MAGI1: variants seen among roughly 807,000 people sequenced by gnomAD.
MAGI1 encodes membrane associated guanylate kinase, WW and PDZ domain containing 1, also known as membrane-associated guanylate kinase, WW and PDZ domain-containing protein 1.
A neutral mutation model predicts 139.9 loss-of-function variants in MAGI1; 58 were observed. That is an observed-to-expected ratio of 0.41 (90% confidence interval 0.34 to 0.52). The LOEUF (loss-of-function observed/expected upper bound fraction) is 0.52, where lower values mean the gene tolerates loss of function less well. MAGI1 is among the 20% of genes least tolerant of loss of function. The probability of loss-of-function intolerance (pLI) is 0.12; values close to 1 mark genes in which losing one functional copy is unlikely to be tolerated. For missense variants in MAGI1, 1,874 were observed against 1,901.6 expected, an observed-to-expected ratio of 0.99 and a Z score of 0.27; for synonymous variants, 812 against 737.9, an observed-to-expected ratio of 1.10 and a Z score of -1.63.
intron 1 of MAGI1, among the ~76,000 whole-genome samples, chr3:65,993,234 C>T (rs1260356332): frequency 6.6e-6 from 1 of 151,860 alleles, no homozygotes; most frequent in Non-Finnish European, 1.5e-5. Context: ...TGACAGATTA[C>T]TCATTTTCTT....
chr3:65,407,558 A>G (rs1227225171), intron 12 of MAGI1, among the ~76,000 whole-genome samples: 1 of 152,188 alleles, frequency 6.6e-6, no homozygotes, highest in Non-Finnish European at 1.5e-5. Flanking sequence ...AATGAGCACA[A>G]CAAAGAATAT....
rs2059536399 is a variant in MAGI1 at position 65,860,926 on chromosome 3, C to A, written c.313+177070G>T. The stretch of plus-strand genomic sequence containing the variant: ...CGAATTCAAATTCAAATTCAAATAC[C>A]ATTTCAAAGTAACAAACAATAATCA... On this transcript the variant is annotated intron_variant, in intron 1 of 22. Transcript: ENST00000402939. Among the ~76,000 whole-genome samples the A allele has an allele frequency of 4.6e-5, 7 of 151,896 alleles. No individual in the cohort carries two copies. In the South Asian group the frequency reaches 1.5e-3, roughly 32 times the overall value.
At position 65,972,044 on chromosome 3, in the gene MAGI1, G is replaced by A. The variant is rs2065037329; in HGVS notation, c.313+65952C>T. 2.6e-5 allele frequency among the ~76,000 whole-genome samples: 4 copies of A among 152,204 alleles called. No individual in the cohort carries two copies. In the South Asian group the frequency reaches 8.3e-4, roughly 31 times the overall value. ...CAGACTATTCTAGGAAATAAGAAAG[G>A]AGGTGCTTGGGCAAGGCTTGCTCAG... On this transcript the variant is annotated intron_variant, in intron 1 of 22. Transcript: ENST00000402939.
chr3:66,029,861 C>A (rs566027716), intron 1 of MAGI1, among the ~76,000 whole-genome samples: 2 of 152,272 alleles, frequency 1.3e-5, no homozygotes, highest in South Asian at 4.1e-4. Flanking sequence ...ATCCCTAACT[C>A]GACAAGATCT....
chr3:65,462,672 G>C (rs1277158360), intron 5 of MAGI1, among the ~76,000 whole-genome samples: 1 of 152,190 alleles, frequency 6.6e-6, no homozygotes, highest in African/African-American at 2.4e-5. Context: ...ATGGTAGCTT[G>C]ATGGGGATAG....
intron 1 of MAGI1, among the ~76,000 whole-genome samples, chr3:65,719,620 A>G (rs2032756008): frequency 6.7e-6 from 1 of 149,980 alleles, no homozygotes; most frequent in Non-Finnish European, 1.5e-5. Context: ...ATCACAGCTC[A>G]CTGCAGCCTC....
chr3:65,575,906 C>A (rs1335210941), intron 2 of MAGI1, among the ~76,000 whole-genome samples: 2 of 152,078 alleles, frequency 1.3e-5, no homozygotes, highest in Non-Finnish European at 2.9e-5. Flanking sequence ...TCGGGAGATA[C>A]AGGGTAGAGG....
At chr3:65,904,692 C>T (rs1345538312) in intron 1 of MAGI1, among the ~76,000 whole-genome samples, 1 of 152,228 alleles carries the variant, frequency 6.6e-6, no homozygotes, top group African/African-American at 2.4e-5. Context: ...ATCACCTACC[C>T]ACCATTCAGT....
At chr3:66,001,741 A>G (rs73833327) in intron 1 of MAGI1, among the ~76,000 whole-genome samples, 4,831 of 152,296 alleles carry the variant, frequency 0.032, 100 homozygotes, top group African/African-American at 0.064. Flanking sequence ...GTTCATAACA[A>G]TGTGTCTACC....
chr3:65,595,188 C>G (rs1048909410), intron 2 of MAGI1, among the ~76,000 whole-genome samples: 5 of 152,192 alleles, frequency 3.3e-5, no homozygotes, highest in African/African-American at 1.2e-4. Flanking sequence ...AAAGGAGAGG[C>G]TGCCTCATCA....
intron 1 of MAGI1, among the ~76,000 whole-genome samples, chr3:65,728,333 G>A (rs2033835445): frequency 6.6e-6 from 1 of 152,164 alleles, no homozygotes; most frequent in African/African-American, 2.4e-5. Flanking sequence ...AGATGAGCTG[G>A]AGATGCAAAG....
intron 2 of MAGI1, chr3:65,532,692 A>G (rs1379784695): frequency 6.6e-6 from 1 of 152,196 alleles, no homozygotes; most frequent in Non-Finnish European, 1.5e-5. Context: ...AGGCAAAACT[A>G]CAGAAGGAAT....
intron 2 of MAGI1, among the ~76,000 whole-genome samples, chr3:65,545,992 A>G (rs1437784089): frequency 2.1e-5 from 3 of 143,164 alleles, no homozygotes; most frequent in Non-Finnish European, 4.6e-5. Flanking sequence ...ACACACACAC[A>G]CGCACACACA....
At chr3:65,913,757 A>G (rs1347168762) in intron 1 of MAGI1, among the ~76,000 whole-genome samples, 1 of 152,240 alleles carries the variant, frequency 6.6e-6, no homozygotes, top group African/African-American at 2.4e-5. Context: ...AACACAGCAG[A>G]AGACAGTTAA....
At chr3:65,678,088 C>T (rs139879454) in intron 1 of MAGI1, among the ~76,000 whole-genome samples, 15 of 152,248 alleles carry the variant, frequency 9.9e-5, no homozygotes, top group East Asian at 3.9e-4. Flanking sequence ...AACCAAACAC[C>T]GCATGTTCTC....
intron 1 of MAGI1, among the ~76,000 whole-genome samples, chr3:65,870,655 G>A (rs906891496): frequency 1.3e-4 from 20 of 149,254 alleles, no homozygotes; most frequent in African/African-American, 4.2e-4. Context: ...GGGGGGGTAG[G>A]AAAGAGGGTA....
intron 1 of MAGI1, among the ~76,000 whole-genome samples, chr3:65,646,114 A>C (rs1311018219): frequency 2.0e-5 from 3 of 152,156 alleles, no homozygotes; most frequent in African/African-American, 7.2e-5. Context: ...AGGTTAGCAG[A>C]ATAAATTTAA....
intron 1 of MAGI1, among the ~76,000 whole-genome samples, chr3:65,851,503 C>G (rs903920507): frequency 3.3e-5 from 5 of 152,200 alleles, no homozygotes; most frequent in African/African-American, 1.2e-4. Flanking sequence ...AATCCTAGCA[C>G]TTTGGGAGGC....
rs563125191 is a variant in MAGI1 at position 65,971,955 on chromosome 3, A to G, written c.313+66041T>C. On this transcript the variant is annotated intron_variant, in intron 1 of 22. Transcript: ENST00000402939. Reference sequence around the variant, plus strand: ...CGTACCTCAGCAAGAAGGAGCAGATAATAAAATCCAAAGGCAAATAGGACA... The same window carrying G: ...CGTACCTCAGCAAGAAGGAGCAGATGATAAAATCCAAAGGCAAATAGGACA... Among the ~76,000 whole-genome samples, 16 of 152,354 alleles carry G rather than the reference A, an allele frequency of 1.1e-4. No homozygotes were observed. In the South Asian group the frequency reaches 3.3e-3, roughly 32 times the overall value.
Sources: allele counts gnomAD v4.1 joint callset (sites outside exome capture counted in the v4.1 genomes callset), GRCh38; gene constraint gnomAD v4.1.1; transcripts MANE v1.5; gene names NCBI Gene and HGNC (gene_info 2026-07-23, HGNC 2026-07-21).